The following CCDC141 variants were observed in gnomAD, a reference collection of about 807,000 sequenced individuals.
CCDC141 encodes coiled-coil domain-containing protein 141.
A neutral mutation model predicts 181.0 loss-of-function variants in CCDC141; 168 were observed. The ratio of observed to expected loss-of-function variants is 0.93; its 90% CI spans 0.82 to 1.05. The LOEUF (loss-of-function observed/expected upper bound fraction) is 1.05, where lower values mean the gene tolerates loss of function less well. Ranked by LOEUF, CCDC141 falls within the 50% of genes least tolerant of loss-of-function variation. The probability of loss-of-function intolerance (pLI) is 0.00; values close to 1 mark genes in which losing one functional copy is unlikely to be tolerated. For synonymous variants in CCDC141, 666 were observed against 642.3 expected (o/e 1.04, Z -0.56); for missense variants, 1,902 against 1,788.5 (o/e 1.06, Z -1.14).
chr2:178,940,520 G>C (rs1206869470), intron 6 of CCDC141, among the ~76,000 whole-genome samples: 1 of 152,134 alleles, frequency 6.6e-6, no homozygotes, highest in Non-Finnish European at 1.5e-5. Flanking sequence ...GTGAGGGATA[G>C]AGAGAATAAA....
chr2:178,932,820 T>G (rs1011457639), intron 6 of CCDC141, among the ~76,000 whole-genome samples: 3 of 152,174 alleles, frequency 2.0e-5, no homozygotes, highest in Non-Finnish European at 4.4e-5. Flanking sequence ...GAAAGAGACT[T>G]TCTTGCATTG....
chr2:179,036,503 C>T (rs2043149043), intron 2 of CCDC141, among the ~76,000 whole-genome samples: 1 of 152,198 alleles, frequency 6.6e-6, no homozygotes. Flanking sequence ...TGGACCACTG[C>T]ACTGCTCCCT....
intron 2 of CCDC141, among the ~76,000 whole-genome samples, chr2:178,982,742 A>T (rs1436330322): frequency 6.6e-6 from 1 of 152,138 alleles, no homozygotes; most frequent in Non-Finnish European, 1.5e-5. Context: ...CCACCCGAAT[A>T]CTGAGCTTTT....
chr2:178,998,076 A>T (rs1692369164), intron 2 of CCDC141, among the ~76,000 whole-genome samples: 1 of 151,742 alleles, frequency 6.6e-6, no homozygotes, highest in African/African-American at 2.4e-5. Context: ...TCTTATTTAT[A>T]AATTCAGCAA....
At position 178,944,632 on chromosome 2, in the gene CCDC141, T is replaced by C; in HGVS notation, c.800A>G (p.Lys267Arg). 6.6e-7 allele frequency: 1 copy of C among 1,519,330 alleles called. No individual in the cohort carries two copies. The highest frequency in any genetic ancestry group is 8.9e-7 in the Non-Finnish European group (1 of 1,129,630). The allele number at this position is 1,519,330 out of a possible 1,614,324, so 94.1% of individuals were successfully genotyped here. ...TTGTTCCTGTAAATTTCTTATAGTT[T>C]TCTGAAACCAACAAGTAACCTAGGT... The part of the protein sequence containing the change: ...QENQVTCWFQ[K>R]TIRNLQEQSL... The change falls in exon 6 of 24, where the codon AAA (lysine) becomes AGA (arginine). Residue 267 changes from lysine (K) to arginine (R), a missense_variant. Physicochemically the swap from Lys to Arg is conservative, Grantham distance 26. Coordinates refer to ENST00000443758, the MANE Select transcript of CCDC141 (RefSeq NM_173648.4).
intron 2 of CCDC141, among the ~76,000 whole-genome samples, chr2:178,981,745 C>G (rs370399026): frequency 1.4e-5 from 2 of 142,396 alleles, no homozygotes; most frequent in East Asian, 4.1e-4. Context: ...ACCATAGGAA[C>G]TAGAGAAAGA....
intron 17 of CCDC141, among the ~76,000 whole-genome samples, chr2:178,860,543 C>CCTTTTT (rs1685563598): frequency 3.9e-5 from 2 of 51,338 alleles, no homozygotes; most frequent in Non-Finnish European, 6.8e-5. Flanking sequence ...AAAAACAACA[C>CCTTTTT]TTTTTTTTTT....
chr2:179,047,991 C>T (rs2043555561), intron 1 of CCDC141, among the ~76,000 whole-genome samples: 2 of 152,086 alleles, frequency 1.3e-5, no homozygotes. Flanking sequence ...TTCATTAAAG[C>T]GTGTAGGAAA....
chr2:179,046,030 T>A (rs1046911520), intron 2 of CCDC141, among the ~76,000 whole-genome samples: 1 of 152,182 alleles, frequency 6.6e-6, no homozygotes, highest in Non-Finnish European at 1.5e-5. Context: ...AGAAAACCAC[T>A]GTCTATATAT....
chr2:179,021,237 A>G (rs950852799), intron 2 of CCDC141, among the ~76,000 whole-genome samples: 12 of 152,220 alleles, frequency 7.9e-5, no homozygotes, highest in African/African-American at 2.9e-4. Context: ...GCTGACAGGC[A>G]TAATGAATTT....
At chr2:179,000,182 C>T (rs2041926429) in intron 2 of CCDC141, among the ~76,000 whole-genome samples, 1 of 151,708 alleles carries the variant, frequency 6.6e-6, no homozygotes, top group Non-Finnish European at 1.5e-5. Context: ...TTTGTATGGC[C>T]TGTAAGGTAA....
rs189853013 is a variant in CCDC141, at chr2:178,995,530, A to G, written c.226-16855T>C. 5.9e-5 allele frequency among the ~76,000 whole-genome samples: 9 copies of G among 152,336 alleles called. No homozygotes were observed. The East Asian group carries it at 1.7e-3, about 29-fold the overall frequency. On this transcript the variant is annotated intron_variant, in intron 2 of 23. Coordinates refer to ENST00000443758, the MANE Select transcript of CCDC141 (RefSeq NM_173648.4). ...CTGACATATACATTTACACATGTAA[A>G]GTCCTTTATTGGCACATTATGTCAC...
Position 178,956,943 on chromosome 2 carries a change from G to C in CCDC141, c.780+4287C>G, listed in dbSNP as rs187117334. On this transcript the variant is annotated intron_variant, in intron 5 of 23. Transcript: ENST00000443758. Reference sequence around the variant, plus strand: ...TGCCCGGACTGGAGTGCAATGGCACGATCTCGGCTCACCACAAACTCCGCC... The same window carrying C: ...TGCCCGGACTGGAGTGCAATGGCACCATCTCGGCTCACCACAAACTCCGCC... 2.6e-5 allele frequency among the ~76,000 whole-genome samples: 4 copies of C among 151,806 alleles called. No individual in the cohort carries two copies. In the East Asian group the frequency reaches 5.8e-4, roughly 22 times the overall value.
At chr2:178,959,979 T>C (rs1268900587) in intron 5 of CCDC141, among the ~76,000 whole-genome samples, 4 of 152,216 alleles carry the variant, frequency 2.6e-5, no homozygotes, top group African/African-American at 7.2e-5. Context: ...GGTTCTTAAC[T>C]GGTATTAATT....
intron 4 of CCDC141, among the ~76,000 whole-genome samples, chr2:178,970,952 G>A (rs1366402793): frequency 1.3e-5 from 2 of 152,230 alleles, no homozygotes; most frequent in Non-Finnish European, 1.5e-5. Flanking sequence ...GCTCACGCCT[G>A]TAATCCCAGC....
intron 2 of CCDC141, among the ~76,000 whole-genome samples, chr2:179,001,202 A>G (rs575620593): frequency 1.5e-4 from 23 of 152,226 alleles, no homozygotes; most frequent in Non-Finnish European, 3.2e-4. Context: ...ATTTGGTAGC[A>G]TATATTAAAT....
intron 2 of CCDC141, among the ~76,000 whole-genome samples, chr2:179,015,655 C>CATATATCTCATACATATCTCAT (rs1303420131): frequency 1.8e-4 from 21 of 116,430 alleles, no homozygotes; most frequent in Admixed American, 3.7e-4. Context: ...ATATCTCATA[C>CATATATCTCATACATATCTCAT]ATATATCTCA....
chr2:178,930,428 G>A (rs1172656466), intron 6 of CCDC141, among the ~76,000 whole-genome samples: 1 of 152,074 alleles, frequency 6.6e-6, no homozygotes, highest in Non-Finnish European at 1.5e-5. Flanking sequence ...AATCTCACTG[G>A]CCTTTTTTGA....
intron 22 of CCDC141, among the ~76,000 whole-genome samples, chr2:178,844,314 A>G (rs1684846925): frequency 6.6e-6 from 1 of 152,174 alleles, no homozygotes; most frequent in Non-Finnish European, 1.5e-5. Context: ...TCTCAAATGA[A>G]GTGATTTTAG....
Sources: allele counts gnomAD v4.1 joint callset (sites outside exome capture counted in the v4.1 genomes callset), GRCh38; gene constraint gnomAD v4.1.1; transcripts MANE v1.5; gene names NCBI Gene and HGNC (gene_info 2026-07-23, HGNC 2026-07-21).